The following MTUS2 variants were observed in gnomAD, a reference collection of about 807,000 sequenced individuals.
MTUS2 encodes microtubule-associated tumor suppressor candidate 2.
In MTUS2, 40 loss-of-function variants were observed where a neutral mutation model predicts 114.1. That is an observed-to-expected ratio of 0.35 (90% CI 0.27 to 0.46). The LOEUF (loss-of-function observed/expected upper bound fraction) is 0.46. Ranked by LOEUF, MTUS2 falls within the 20% of genes least tolerant of loss-of-function variation. MTUS2 has a pLI of 1.00. For synonymous variants in MTUS2, 688 were observed against 672.0 expected (o/e 1.02, Z -0.37); for missense variants, 1,679 against 1,705.4 (o/e 0.98, Z 0.27).
intron 2 of MTUS2, among the ~76,000 whole-genome samples, chr13:28,865,383 C>G (rs1360478544): frequency 6.6e-6 from 1 of 151,462 alleles, no homozygotes. Context: ...TTCCCCAGTT[C>G]TTTGGGTCAG....
At chr13:28,861,442 T>TC (rs1286752298) in intron 2 of MTUS2, among the ~76,000 whole-genome samples, 1 of 150,040 alleles carries the variant, frequency 6.7e-6, no homozygotes, top group East Asian at 1.9e-4. Flanking sequence ...TTTTTTTCTT[T>TC]TTTTTTTTTT....
intron 8 of MTUS2, among the ~76,000 whole-genome samples, chr13:29,388,614 T>G (rs1321058538): frequency 6.6e-6 from 1 of 152,008 alleles, no homozygotes; most frequent in East Asian, 1.9e-4. Flanking sequence ...TAGACTTTCC[T>G]GCTGGGAATC....
intron 2 of MTUS2, among the ~76,000 whole-genome samples, chr13:28,992,787 A>G (rs527562953): frequency 1.8e-4 from 27 of 152,278 alleles, no homozygotes; most frequent in African/African-American, 5.5e-4. Context: ...TTTTAAGTGT[A>G]CAGTTTAGTG....
At chr13:29,261,717 C>T (rs1256702885) in intron 5 of MTUS2, among the ~76,000 whole-genome samples, 1 of 152,198 alleles carries the variant, frequency 6.6e-6, no homozygotes. Context: ...TATCTTTTAA[C>T]AACTTCCACA....
chr13:29,447,897 T>G (rs1358776028), intron 9 of MTUS2, among the ~76,000 whole-genome samples: 2 of 152,108 alleles, frequency 1.3e-5, no homozygotes, highest in African/African-American at 4.8e-5. Context: ...TGACCCTTGA[T>G]TTTTCTGATG....
At position 29,276,712 on chromosome 13, in the gene MTUS2, A is replaced by G. The variant is rs146462509; in HGVS notation, c.2645-4992A>G. The stretch of plus-strand genomic sequence containing the variant: ...CAGGAGTTCAAGACCAGCCTGGCCA[A>G]CATGGTGAAACCCCATCTCTACTAA... On this transcript the variant is annotated intron_variant, in intron 5 of 15. Coordinates refer to ENST00000612955, the MANE Select transcript of MTUS2 (RefSeq NM_001033602.4). Among the ~76,000 whole-genome samples, 785 of 152,262 alleles carry G rather than the reference A, an allele frequency of 5.2e-3. 10 individuals carry two copies. The highest frequency in any genetic ancestry group is 0.018 in the African/African-American group (752 of 41,562).
At chr13:28,853,836 G>A (rs537320813) in intron 2 of MTUS2, among the ~76,000 whole-genome samples, 1 of 152,172 alleles carries the variant, frequency 6.6e-6, no homozygotes, top group Non-Finnish European at 1.5e-5. Flanking sequence ...ATAAGAAGTT[G>A]GCCAAGGAGT....
intron 8 of MTUS2, among the ~76,000 whole-genome samples, chr13:29,430,429 T>C (rs1876903618): frequency 6.6e-6 from 1 of 152,204 alleles, no homozygotes; most frequent in Admixed American, 6.5e-5. Flanking sequence ...TGTTACTTCA[T>C]CTCTTTAGCA....
chr13:28,849,933 C>A (rs998819934), intron 2 of MTUS2, among the ~76,000 whole-genome samples: 1 of 152,142 alleles, frequency 6.6e-6, no homozygotes, highest in Non-Finnish European at 1.5e-5. Context: ...CTCTCTTACC[C>A]CCTCCAAATC....
intron 2 of MTUS2, among the ~76,000 whole-genome samples, chr13:28,841,817 G>C (rs1487155530): frequency 6.6e-6 from 1 of 152,094 alleles, no homozygotes; most frequent in Admixed American, 6.5e-5. Context: ...CTCCTGAGCA[G>C]CTGGGATTAC....
At chr13:29,122,700 C>T (rs535665888) in intron 5 of MTUS2, among the ~76,000 whole-genome samples, 2 of 152,298 alleles carry the variant, frequency 1.3e-5, no homozygotes, top group African/African-American at 4.8e-5. Context: ...TGGGTTCTAT[C>T]ACCACCTATG....
chr13:29,226,560 T>A (rs548487127), intron 5 of MTUS2, among the ~76,000 whole-genome samples: 20 of 152,210 alleles, frequency 1.3e-4, no homozygotes, highest in Admixed American at 2.6e-4. Context: ...TTTGATATTT[T>A]AAAATTTTAA....
intron 7 of MTUS2, among the ~76,000 whole-genome samples, chr13:29,358,335 G>A (rs944288575): frequency 1.3e-5 from 2 of 152,120 alleles, no homozygotes; most frequent in Non-Finnish European, 2.9e-5. Context: ...TCTTTTTTGA[G>A]CTTCAACCTA....
chr13:29,325,180 G>A (rs531636761), intron 7 of MTUS2, among the ~76,000 whole-genome samples: 87 of 152,300 alleles, frequency 5.7e-4, no homozygotes, highest in Non-Finnish European at 9.1e-4. Context: ...TCCTGGCCAG[G>A]CGTGGTGGCT....
intron 8 of MTUS2, among the ~76,000 whole-genome samples, chr13:29,381,397 C>A (rs1872193073): frequency 6.6e-6 from 1 of 152,086 alleles, no homozygotes; most frequent in Admixed American, 6.5e-5. Flanking sequence ...TAGAAAATAA[C>A]CTGTCAAAAT....
At chr13:29,278,378 A>G (rs1425586096) in intron 5 of MTUS2, among the ~76,000 whole-genome samples, 1 of 152,220 alleles carries the variant, frequency 6.6e-6, no homozygotes, top group Non-Finnish European at 1.5e-5. Flanking sequence ...ATCAGTATCC[A>G]ATATACTGAT....
intron 2 of MTUS2, among the ~76,000 whole-genome samples, chr13:28,881,615 T>G (rs1036498076): frequency 2.6e-5 from 4 of 152,384 alleles, no homozygotes; most frequent in Middle Eastern, 3.4e-3. Context: ...GCATTCCCTT[T>G]TCTCTGCATC....
chr13:29,407,318 A>G (rs1050351319), intron 8 of MTUS2, among the ~76,000 whole-genome samples: 4 of 152,250 alleles, frequency 2.6e-5, no homozygotes, highest in African/African-American at 9.6e-5. Context: ...ATTTTTAAAC[A>G]TGTCAAGTTG....
intron 4 of MTUS2, among the ~76,000 whole-genome samples, chr13:29,096,976 G>T (rs960974147): frequency 1.3e-5 from 2 of 152,076 alleles, no homozygotes; most frequent in Non-Finnish European, 2.9e-5. Context: ...GTGAAGGAAG[G>T]TTCCCTGACC....
Sources: gnomAD v4.1 joint callset for allele counts (sites outside exome capture counted in the v4.1 genomes callset) on GRCh38, gnomAD v4.1.1 for gene constraint, MANE v1.5 for transcripts, NCBI Gene and HGNC (gene_info 2026-07-23, HGNC 2026-07-21) for gene names.